Variants in ADAMTS17 observed in about 807,000 individuals in gnomAD.
The protein encoded by ADAMTS17 is A disintegrin and metalloproteinase with thrombospondin motifs 17.
ADAMTS17 carries 113 observed loss-of-function variants against 141.5 expected under a neutral mutation model. That is an observed-to-expected ratio of 0.80 (90% confidence interval 0.69 to 0.93). The LOEUF (loss-of-function observed/expected upper bound fraction) is 0.93, where lower values mean the gene tolerates loss of function less well. ADAMTS17 is among the 40% of genes least tolerant of loss of function. The probability of loss-of-function intolerance (pLI) is 0.00; values close to 1 mark genes in which losing one functional copy is unlikely to be tolerated. For synonymous variants in ADAMTS17, 768 were observed against 630.6 expected (o/e 1.22, Z -3.27); for missense variants, 1,659 against 1,517.9 (o/e 1.09, Z -1.54).
At chr15:100,083,776 G>T (rs1025881525) in intron 15 of ADAMTS17, among the ~76,000 whole-genome samples, 2 of 150,354 alleles carry the variant, frequency 1.3e-5, no homozygotes, top group Admixed American at 6.7e-5. Context: ...AACCACATGT[G>T]ACTTGGGAAT....
rs144817994 is a variant in ADAMTS17, at chr15:99,974,405, C to A, written c.3285G>T (p.Ser1095=). The change falls in exon 22 of 22, where the codon TCG becomes TCT. Residue 1095 remains serine, a synonymous_variant. Coordinates refer to ENST00000268070, the MANE Select transcript of ADAMTS17 (RefSeq NM_139057.4). ...GAGCGACCCTTGGGACTGCGTGTCA[C>A]GAGTTCGGCGGTGGCTGGCGCATCT... ...ANKMRQPPPN[S] 2 of 1,614,040 alleles carry A rather than the reference C, an allele frequency of 1.2e-6. No individual in the cohort carries two copies. The highest frequency in any genetic ancestry group is 2.7e-5 in the African/African-American group (2 of 74,940).
At position 100,096,406 on chromosome 15, in the gene ADAMTS17, C is replaced by T. The variant is rs369034695; in HGVS notation, c.2087G>A (p.Gly696Asp). 1.9e-6 allele frequency: 3 copies of T among 1,613,996 alleles called. No homozygotes were observed. The highest frequency in any genetic ancestry group is 2.5e-6 in the Non-Finnish European group (3 of 1,180,054). ...EDRCGVCSGD[G>D]KTCHLVKGDF... ...GCCCTTCACCAAGTGGCAGGTCTTG[C>T]CGTCCCCGCTGCAGACCCCGCATCT... The change falls in exon 15 of 22, where the codon GGC becomes GAC. Residue 696 changes from glycine (G) to aspartate (D), a missense_variant. Transcript: ENST00000268070.
chr15:100,267,744 T>G (rs1185879323), intron 4 of ADAMTS17, among the ~76,000 whole-genome samples: 1 of 152,188 alleles, frequency 6.6e-6, no homozygotes, highest in African/African-American at 2.4e-5. Flanking sequence ...ATTTCTAATC[T>G]TTGTGGGTTC....
chr15:100,068,424 CT>C (rs1388518874), intron 15 of ADAMTS17, among the ~76,000 whole-genome samples: 3 of 152,178 alleles, frequency 2.0e-5, no homozygotes, highest in Non-Finnish European at 2.9e-5. Context: ...CAGCACACAG[CT>C]GGACATCTGC....
chr15:100,008,094 G>A (rs1197393311), intron 18 of ADAMTS17, among the ~76,000 whole-genome samples: 1 of 152,132 alleles, frequency 6.6e-6, no homozygotes, highest in Non-Finnish European at 1.5e-5. Flanking sequence ...TCAGGGGGAA[G>A]CAGGGATGGA....
intron 18 of ADAMTS17, among the ~76,000 whole-genome samples, chr15:100,043,955 TTAA>T (rs2031474917): frequency 1.3e-5 from 2 of 152,096 alleles, no homozygotes; most frequent in Non-Finnish European, 1.5e-5. Flanking sequence ...GTGGCACTCA[TTAA>T]TAGAGTCTGC....
chr15:100,264,312 G>T (rs1214480657), intron 4 of ADAMTS17, among the ~76,000 whole-genome samples: 1 of 152,138 alleles, frequency 6.6e-6, no homozygotes, highest in Non-Finnish European at 1.5e-5. Context: ...CCATCCAATG[G>T]CTGTAATTCA....
chr15:100,044,992 G>C (rs897283300), intron 18 of ADAMTS17, among the ~76,000 whole-genome samples: 1 of 151,904 alleles, frequency 6.6e-6, no homozygotes, highest in Non-Finnish European at 1.5e-5. Flanking sequence ...ATTTTTAGTA[G>C]AGATGGGGTT....
intron 8 of ADAMTS17, among the ~76,000 whole-genome samples, chr15:100,195,345 T>C (rs2041071368): frequency 6.6e-6 from 1 of 152,152 alleles, no homozygotes; most frequent in Non-Finnish European, 1.5e-5. Flanking sequence ...AAGCTGTTAA[T>C]CGAATGAATC....
intron 15 of ADAMTS17, among the ~76,000 whole-genome samples, chr15:100,059,457 G>A (rs995176534): frequency 2.0e-5 from 3 of 152,156 alleles, no homozygotes; most frequent in Non-Finnish European, 4.4e-5. Context: ...GGAGGCATAG[G>A]GGTTACTTCC....
intron 3 of ADAMTS17, among the ~76,000 whole-genome samples, chr15:100,309,848 G>A (rs1045087800): frequency 3.3e-5 from 5 of 152,090 alleles, no homozygotes; most frequent in African/African-American, 1.2e-4. Flanking sequence ...TGCTGCCCCC[G>A]ACCACAGTAG....
intron 7 of ADAMTS17, among the ~76,000 whole-genome samples, chr15:100,250,719 A>G (rs1305866833): frequency 1.3e-5 from 2 of 152,154 alleles, no homozygotes; most frequent in South Asian, 2.1e-4. Context: ...AAACCAGTGA[A>G]GCCTGATTAA....
chr15:100,156,646 AT>A (rs1487109496), intron 8 of ADAMTS17, among the ~76,000 whole-genome samples: 6 of 152,252 alleles, frequency 3.9e-5, no homozygotes, highest in Non-Finnish European at 5.9e-5. Context: ...AACCAACGAA[AT>A]ATGGGGACAA....
chr15:100,306,684 G>A (rs761651261), intron 3 of ADAMTS17: 38 of 423,264 alleles, frequency 9.0e-5, no homozygotes, highest in Non-Finnish European at 1.7e-4. Flanking sequence ...GTAGCTCATC[G>A]TGCAGCAACA....
At chr15:100,044,807 AT>A (rs60017895) in intron 18 of ADAMTS17, among the ~76,000 whole-genome samples, 1,670 of 138,362 alleles carry the variant, frequency 0.012, 14 homozygotes, top group African/African-American at 0.024. Context: ...TATAATTTGG[AT>A]TTTTTTTTTT....
chr15:100,123,761 G>C (rs2037572894), intron 12 of ADAMTS17, among the ~76,000 whole-genome samples: 1 of 152,186 alleles, frequency 6.6e-6, no homozygotes, highest in Non-Finnish European at 1.5e-5. Context: ...TGACGAGCAA[G>C]AGGTGGAGAG....
At chr15:100,068,074 G>A (rs1282100846) in intron 15 of ADAMTS17, among the ~76,000 whole-genome samples, 6 of 152,134 alleles carry the variant, frequency 3.9e-5, no homozygotes, top group Admixed American at 1.3e-4. Context: ...CTTTTCCAAC[G>A]GTCTTAGCAA....
At chr15:100,051,110 G>A (rs185320596) in intron 17 of ADAMTS17, among the ~76,000 whole-genome samples, 3 of 152,324 alleles carry the variant, frequency 2.0e-5, no homozygotes, top group African/African-American at 7.2e-5. Flanking sequence ...CAGGACTCAT[G>A]CTCAGAACGT....
chr15:100,177,719 T>C (rs2040385831), intron 8 of ADAMTS17, among the ~76,000 whole-genome samples: 1 of 152,212 alleles, frequency 6.6e-6, no homozygotes, highest in Non-Finnish European at 1.5e-5. Context: ...TTTTATCAAT[T>C]GCTGAGAGGG....
Sources: allele counts gnomAD v4.1 joint callset (sites outside exome capture counted in the v4.1 genomes callset), GRCh38; gene constraint gnomAD v4.1.1; transcripts MANE v1.5; gene names NCBI Gene and HGNC (gene_info 2026-07-23, HGNC 2026-07-21).